The following DLG2 variants were observed in gnomAD, a reference collection of about 807,000 sequenced individuals.
DLG2 encodes discs large MAGUK scaffold protein 2.
A neutral mutation model predicts 132.5 loss-of-function variants in DLG2; 45 were observed. The observed-to-expected ratio is 0.34, with a 90% CI of 0.27 to 0.44. The LOEUF (loss-of-function observed/expected upper bound fraction) is 0.44, where lower values mean the gene tolerates loss of function less well. Among genes scored for constraint, DLG2 ranks in the 20% least tolerant of loss-of-function variants. DLG2 has a pLI of 1.00. For missense variants in DLG2, 1,045 were observed against 1,196.9 expected (o/e 0.87, Z 1.87); for synonymous variants, 424 against 419.6 (o/e 1.01, Z -0.13).
intron 2 of DLG2, among the ~76,000 whole-genome samples, chr11:85,606,381 G>A (rs2080542697): frequency 6.6e-6 from 1 of 152,118 alleles, no homozygotes; most frequent in Non-Finnish European, 1.5e-5. Context: ...TCAGTGCTCT[G>A]TGTCTAGCTA....
intron 6 of DLG2, among the ~76,000 whole-genome samples, chr11:84,754,282 G>C (rs2066563767): frequency 1.3e-5 from 2 of 152,142 alleles, no homozygotes. Context: ...TGACAGGAAG[G>C]ATCGGTAGAG....
At chr11:84,471,116 G>T (rs144745543) in intron 7 of DLG2, among the ~76,000 whole-genome samples, 175 of 151,808 alleles carry the variant, frequency 1.2e-3, no homozygotes, top group African/African-American at 4.1e-3. Context: ...GAACCCATCA[G>T]CTAGTAACAT....
In DLG2 at chr11:85,289,855, T is replaced by C. The variant is rs1455543069; in HGVS notation, c.41-4490A>G. ...TGCAAAGTAAAATGCTGCTGTTTTC[T>C]CCTGTTCCAAAAACATACTGCTTGA... On this transcript the variant is annotated intron_variant, in intron 3 of 27. Transcript: ENST00000376104. Among the ~76,000 whole-genome samples the C allele has an allele frequency of 2.0e-5, 3 of 152,208 alleles. No individual in the cohort carries two copies. The East Asian group carries it at 5.8e-4, about 29-fold the overall frequency.
chr11:85,435,464 T>A (rs2091427741), intron 3 of DLG2, among the ~76,000 whole-genome samples: 1 of 152,116 alleles, frequency 6.6e-6, no homozygotes, highest in African/African-American at 2.4e-5. Context: ...TTCAGCAAAG[T>A]CTCAGAATAC....
chr11:84,902,274 C>A (rs1338944630), intron 6 of DLG2, among the ~76,000 whole-genome samples: 1 of 152,084 alleles, frequency 6.6e-6, no homozygotes, highest in Non-Finnish European at 1.5e-5. Flanking sequence ...ACTAAGAACT[C>A]TGGCTCTTGT....
chr11:85,101,222 T>A (rs886452796), intron 6 of DLG2, among the ~76,000 whole-genome samples: 1 of 152,092 alleles, frequency 6.6e-6, no homozygotes, highest in Admixed American at 6.6e-5. Flanking sequence ...TGAATTTCCA[T>A]ACACCTGCTC....
At chr11:84,991,101 A>G (rs947395433) in intron 6 of DLG2, among the ~76,000 whole-genome samples, 1 of 152,236 alleles carries the variant, frequency 6.6e-6, no homozygotes, top group African/African-American at 2.4e-5. Flanking sequence ...GAAAAAATAT[A>G]TACCAAAAGG....
intron 18 of DLG2, 73 bp downstream of exon 18, chr11:83,786,617 A>C: frequency 7.4e-7 from 1 of 1,347,050 alleles, no homozygotes; most frequent in Non-Finnish European, 1.1e-6. Context: ...TAGTTAATAA[A>C]AATTATTAGT....
chr11:84,669,513 G>T (rs1409357261), intron 6 of DLG2, among the ~76,000 whole-genome samples: 5 of 152,070 alleles, frequency 3.3e-5, no homozygotes, highest in Admixed American at 2.0e-4. Context: ...ATTTACTAAT[G>T]CATTCATAAA....
At chr11:85,021,150 C>T (rs2060029220) in intron 6 of DLG2, 1 of 837,428 alleles carries the variant, frequency 1.2e-6, no homozygotes, top group Non-Finnish European at 2.1e-6. Context: ...TAGAAGATCC[C>T]CGCTGCCCAT....
intron 9 of DLG2, among the ~76,000 whole-genome samples, chr11:84,154,833 C>A (rs560915265): frequency 6.6e-6 from 1 of 152,258 alleles, no homozygotes; most frequent in East Asian, 1.9e-4. Context: ...TGAACTCATC[C>A]TTTTTGATGG....
chr11:85,570,105 T>G (rs1245035973), intron 3 of DLG2, among the ~76,000 whole-genome samples: 1 of 152,192 alleles, frequency 6.6e-6, no homozygotes, highest in Admixed American at 6.5e-5. Flanking sequence ...ATGTGCCTCC[T>G]GTATCTAAAA....
At position 85,154,620 on chromosome 11, in the gene DLG2, G is replaced by T. The variant is rs766769180; in HGVS notation, c.218C>A (p.Ala73Asp). ...LTDCSGSKENASCIEQNKENQ... is the reference protein window; with the variant it reads ...LTDCSGSKENDSCIEQNKENQ... The stretch of plus-strand genomic sequence containing the variant: ...TTCTTTATTTTGCTCAATACATGAA[G>T]CATTTTCCTTTGATCCACTGCAATC... Residue 73 changes from alanine to aspartate, a missense_variant, in exon 5 of 28, where the codon GCT becomes GAT. Physicochemically the swap from Ala to Asp is moderately radical, Grantham distance 126 (BLOSUM62 -2). This residue lies in a region of DLG2 where 277 missense variants were observed against 238.2 expected (regional missense o/e 1.16). Coordinates refer to ENST00000376104, the MANE Select transcript of DLG2 (RefSeq NM_001142699.3). 3 of 1,535,092 alleles carry T rather than the reference G, an allele frequency of 2.0e-6. No homozygotes were observed. Among genetic ancestry groups the T allele is most frequent in the Non-Finnish European group, 2.6e-6 (3 of 1,134,018 alleles).
Position 83,905,292 on chromosome 11 carries a change from C to G in DLG2, c.1496+25036G>C, listed in dbSNP as rs944608821. Among the ~76,000 whole-genome samples the G allele has an allele frequency of 5.9e-5, 9 of 152,202 alleles. No individual in the cohort carries two copies. In the South Asian group the frequency reaches 1.7e-3, roughly 28 times the overall value. ...AATAAGGGTCATGATACATATTAGT[C>G]CAACTGTTAAGCAGTTTCTCTCACT... On this transcript the variant is annotated intron_variant, in intron 15 of 27. Coordinates refer to ENST00000376104, the MANE Select transcript of DLG2 (RefSeq NM_001142699.3).
At chr11:83,881,047 T>TA (rs35798418) in intron 15 of DLG2, among the ~76,000 whole-genome samples, 2,279 of 151,940 alleles carry the variant, frequency 0.015, 30 homozygotes, top group Admixed American at 0.024. Context: ...TCCATTTTTT[T>TA]AAAAAAAATG....
chr11:83,562,394 A>G (rs1593245476), intron 19 of DLG2, among the ~76,000 whole-genome samples: 1 of 151,836 alleles, frequency 6.6e-6, no homozygotes, highest in Non-Finnish European at 1.5e-5. Context: ...GTCATAACTG[A>G]CCCTGTGATG....
chr11:84,485,257 T>C (rs772834997), intron 7 of DLG2, among the ~76,000 whole-genome samples: 1 of 152,208 alleles, frequency 6.6e-6, no homozygotes, highest in Non-Finnish European at 1.5e-5. Flanking sequence ...ACTTTGAATA[T>C]ATAATATTTC....
chr11:84,273,914 G>A (rs1488276822), intron 7 of DLG2, among the ~76,000 whole-genome samples: 1 of 152,104 alleles, frequency 6.6e-6, no homozygotes, highest in African/African-American at 2.4e-5. Flanking sequence ...AAGCCAGAAG[G>A]CATCATAAAA....
At chr11:84,333,871 G>T (rs1323433566) in intron 7 of DLG2, among the ~76,000 whole-genome samples, 1 of 152,114 alleles carries the variant, frequency 6.6e-6, no homozygotes, top group Non-Finnish European at 1.5e-5. Flanking sequence ...GAATATTATT[G>T]TCACAAATAC....
Sources: allele counts gnomAD v4.1 joint callset (sites outside exome capture counted in the v4.1 genomes callset), GRCh38; gene constraint gnomAD v4.1.1; regional missense constraint gnomAD v4.1.1; transcripts MANE v1.5; gene names NCBI Gene and HGNC (gene_info 2026-07-23, HGNC 2026-07-21).